FLNC: variants seen among roughly 807,000 people sequenced by gnomAD.
FLNC encodes the protein filamin-C.
In FLNC, 91 loss-of-function variants were observed where a neutral mutation model predicts 254.3. That is an observed-to-expected ratio of 0.36 (90% confidence interval 0.30 to 0.43). The LOEUF (loss-of-function observed/expected upper bound fraction) is 0.43. Ranked by LOEUF, FLNC falls within the 20% of genes least tolerant of loss-of-function variation. The pLI, the probability that FLNC is intolerant of heterozygous loss-of-function variation, is 1.00. For synonymous variants in FLNC, 1,430 were observed against 1,577.2 expected (o/e 0.91, Z 2.21); for missense variants, 2,853 against 3,802.6 (o/e 0.75, Z 6.57).
At chr7:128,831,298 C>T (rs1807882282) in intron 1 of FLNC, among the ~76,000 whole-genome samples, 1 of 152,220 alleles carries the variant, frequency 6.6e-6, no homozygotes, top group Non-Finnish European at 1.5e-5. Flanking sequence ...TCACCGTTCC[C>T]TTTCCTTCCA....
At position 128,842,990 on chromosome 7, in the gene FLNC, C is replaced by T. The variant is rs774532762; in HGVS notation, c.2550+36C>T. 6.2e-7 allele frequency: 1 copy of T among 1,610,720 alleles called. No homozygotes were observed. The highest frequency in any genetic ancestry group is 1.7e-5 in the Admixed American group (1 of 59,944). On this transcript the variant is annotated intron_variant, in intron 16 of 47. Transcript: ENST00000325888. This position sits in a 1 kb window ranked among gnomAD's most constrained non-coding sequence, Gnocchi z 5.4. The stretch of plus-strand genomic sequence containing the variant: ...TCCTGGGTACTCACAGCGACATGCA[C>T]CTGCCAGCTCCAGAAGGCAGCTGGA...
At position 128,836,162 on chromosome 7, in the gene FLNC, G is replaced by A. The variant is rs1808087012; in HGVS notation, c.601+588G>A. Among the ~76,000 whole-genome samples, 1 of 152,032 alleles carries A rather than the reference G, an allele frequency of 6.6e-6. No homozygotes were observed. The highest frequency in any genetic ancestry group is 1.5e-5 in the Non-Finnish European group (1 of 67,976). On this transcript the variant is annotated intron_variant, in intron 2 of 47. Transcript: ENST00000325888. This position sits in a 1 kb window ranked among gnomAD's most constrained non-coding sequence, Gnocchi z 6.0. ...GTGTAGGTCCTGGCCTGGTCAAGTG[G>A]GGACAGCTCAGGGGCCATGAAAAAA...
chr7:128,858,595 AC>A lies in FLNC; in HGVS notation c.*73del. Reference sequence around the variant, plus strand: ...ACACATTACACACACACACACACACACACAAATGTGCCACACCCAGACACGC... The same window carrying A: ...ACACATTACACACACACACACACACAACAAATGTGCCACACCCAGACACGC... On this transcript the variant is annotated 3_prime_UTR_variant, in exon 48 of 48. Transcript: ENST00000325888. This position sits in a 1 kb window ranked among gnomAD's most constrained non-coding sequence, Gnocchi z 6.7. 1.8e-6 allele frequency: 2 copies of A among 1,094,502 alleles called. No homozygotes were observed. The highest frequency in any genetic ancestry group is 2.8e-6 in the Non-Finnish European group (2 of 718,160). 67.8% of individuals were successfully genotyped at this position (1,094,502 alleles called of 1,614,324 possible). A position where few individuals can be genotyped will look rare whatever the true frequency, so the allele number is the denominator to read the frequency against.
At position 128,841,499 on chromosome 7, in the gene FLNC, G is replaced by C; in HGVS notation, c.2053G>C (p.Asp685His). The change falls in exon 13 of 48, where the codon GAC becomes CAC. Residue 685 changes from aspartate (D) to histidine (H), a missense_variant. By Grantham distance (81) the Asp-to-His change is moderately conservative. Around this residue, in one of 10 missense-constraint regions of FLNC, gnomAD observed 1,573 missense variants for 1,883.5 expected, o/e 0.84. Transcript: ENST00000325888. This position sits in a 1 kb window ranked among gnomAD's most constrained non-coding sequence, Gnocchi z 4.3. ...PGLEPTGCIV[D>H]KPAEFTIDAR... ...CCTGGAGCCTACCGGCTGCATCGTG[G>C]ACAAGCCCGCTGAGTTCACCATTGA... is the stretch of plus-strand genomic sequence containing the variant. The C allele has an allele frequency of 6.2e-7, 1 of 1,614,156 alleles. No homozygotes were observed. The highest frequency in any genetic ancestry group is 8.5e-7 in the Non-Finnish European group (1 of 1,180,026).
Position 128,846,405 on chromosome 7 carries a change from G to A in FLNC, c.4069G>A (p.Gly1357Arg), listed in dbSNP as rs1218299104. ...GCDPTRVRAF[G>R]PGLEGGLVNK... is the part of the protein sequence containing the mutation. ...TGATCCCACCCGCGTCCGAGCCTTCGGGCCAGGCCTGGAGGGTGGCTTGGT... is the reference window on the plus strand; with the variant it reads ...TGATCCCACCCGCGTCCGAGCCTTCAGGCCAGGCCTGGAGGGTGGCTTGGT... The change falls in exon 23 of 48, where the codon GGG becomes AGG. Residue 1357 changes from glycine to arginine, a missense_variant. Gly to Arg is a moderately radical substitution (Grantham distance 125). This residue lies in a region of FLNC where 1,573 missense variants were observed against 1,883.5 expected (regional missense o/e 0.84). Transcript: ENST00000325888. 1.2e-5 allele frequency: 20 copies of A among 1,609,048 alleles called. No individual in the cohort carries two copies. Among genetic ancestry groups the A allele is most frequent in the Non-Finnish European group, 1.6e-5 (19 of 1,180,004 alleles).
chr7:128,848,838 G>A lies in FLNC; in HGVS notation c.4783G>A (p.Asp1595Asn), dbSNP rs780133859. The change falls in exon 28 of 48, where the codon GAT becomes AAT. Residue 1595 changes from aspartate to asparagine, a missense_variant. By Grantham distance (23) the Asp-to-Asn change is conservative (BLOSUM62 1). This residue lies in a region of FLNC where 1,573 missense variants were observed against 1,883.5 expected (regional missense o/e 0.84). Transcript: ENST00000325888. ...PKKANIRDNG[D>N]GTYTVSYLPD... ...GAAGGCCAACATCCGGGACAATGGG[G>A]ATGGCACGTACACTGTGTCCTACCT... 4 of 1,614,160 alleles carry A rather than the reference G, an allele frequency of 2.5e-6. No homozygotes were observed. Among genetic ancestry groups the A allele is most frequent in the Non-Finnish European group, 3.4e-6 (4 of 1,180,034 alleles).
chr7:128,858,311 C>G lies in FLNC; in HGVS notation c.7991-25C>G, dbSNP rs1342962258. The stretch of plus-strand genomic sequence containing the variant: ...ACAGTAGGGGACTCCCTGGTGTGAG[C>G]CTGTCCCTCTGCCTCCCTCTCCAGG... On this transcript the variant is annotated intron_variant, in intron 47 of 47. Transcript: ENST00000325888. The surrounding 1 kb of genome is among the most constrained non-coding windows in gnomAD (Gnocchi z 6.7). The G allele has an allele frequency of 7.2e-7, 1 of 1,393,884 alleles. No homozygotes were observed. 86.3% of individuals were successfully genotyped at this position (1,393,884 alleles called of 1,614,324 possible). A position where few individuals can be genotyped will look rare whatever the true frequency, so the allele number is the denominator to read the frequency against.
chr7:128,835,201 G>A lies in FLNC; in HGVS notation c.353-125G>A. The stretch of plus-strand genomic sequence containing the variant: ...GGCCTCGCAGGAGGGAGAGGGTCAG[G>A]TAGGCAGAGACTAGAGGCCTGACCC... On this transcript the variant is annotated intron_variant, in intron 1 of 47. Coordinates refer to ENST00000325888, the MANE Select transcript of FLNC (RefSeq NM_001458.5). The surrounding 1 kb of genome is among the most constrained non-coding windows in gnomAD (Gnocchi z 5.3). The A allele has an allele frequency of 4.6e-6, 6 of 1,298,740 alleles. No homozygotes were observed. The highest frequency in any genetic ancestry group is 1.2e-5 in the South Asian group (1 of 82,550). 80.5% of individuals were successfully genotyped at this position (1,298,740 alleles called of 1,614,324 possible). A position where few individuals can be genotyped will look rare whatever the true frequency, so the allele number is the denominator to read the frequency against.
In FLNC at chr7:128,830,947, C is replaced by G. The variant is rs775222077; in HGVS notation, c.310C>G (p.Leu104Val). 2 of 1,611,236 alleles carry G rather than the reference C, an allele frequency of 1.2e-6. No homozygotes were observed. ...QMKLENVSVA[L>V]EFLEREHIKL... is the part of the protein sequence containing the mutation. Reference sequence around the variant, plus strand: ...GAAGCTGGAGAACGTGTCCGTGGCCCTCGAGTTCCTCGAGCGCGAGCACAT... The same window carrying G: ...GAAGCTGGAGAACGTGTCCGTGGCCGTCGAGTTCCTCGAGCGCGAGCACAT... Residue 104 changes from leucine to valine, a missense_variant, in exon 1 of 48, where the codon CTC becomes GTC. This residue lies in a region of FLNC where 115 missense variants were observed against 230.3 expected (regional missense o/e 0.50). Transcript: ENST00000325888.
Position 128,854,818 on chromosome 7 carries a change from G to A in FLNC, c.7041G>A (p.Leu2347=), listed in dbSNP as rs772789448. The A allele has an allele frequency of 8.7e-6, 14 of 1,614,170 alleles. No individual in the cohort carries two copies. The Admixed American group carries it at 2.3e-4, about 27-fold the overall frequency. ...CCCGGGAGGCTGGCGCTGGGGGCCT[G>A]TCCATTGCTGTGGAGGGTCCTAGCA... ...IWTREAGAGG[L]SIAVEGPSKA... is the part of the protein sequence containing the mutation. Residue 2347 remains leucine (L), a synonymous_variant, in exon 42 of 48, where the codon CTG becomes CTA. Coordinates refer to ENST00000325888, the MANE Select transcript of FLNC (RefSeq NM_001458.5).
At chr7:128,845,502 A>G (rs1585160759) in intron 21 of FLNC, among the ~76,000 whole-genome samples, 1 of 152,094 alleles carries the variant, frequency 6.6e-6, no homozygotes, top group Non-Finnish European at 1.5e-5. Flanking sequence ...GTTTTTCTGG[A>G]GAGATCTCTT....
rs760088248 is a variant in FLNC, at chr7:128,858,295, G to A, written c.7991-41G>A. On this transcript the variant is annotated intron_variant, in intron 47 of 47. Coordinates refer to ENST00000325888, the MANE Select transcript of FLNC (RefSeq NM_001458.5). The surrounding 1 kb of genome is among the most constrained non-coding windows in gnomAD (Gnocchi z 6.7). ...GAGCAGGGTGTGGGTCACAGTAGGG[G>A]ACTCCCTGGTGTGAGCCTGTCCCTC... 3.1e-6 allele frequency: 4 copies of A among 1,286,278 alleles called. No individual in the cohort carries two copies. The Admixed American group carries it at 5.5e-5, about 18-fold the overall frequency. 79.7% of individuals were successfully genotyped at this position (1,286,278 alleles called of 1,614,324 possible).
rs374711133 is a variant in FLNC at position 128,854,899 on chromosome 7, C to G, written c.7122C>G (p.Val2374=). The change falls in exon 42 of 48, where the codon GTC becomes GTG. Residue 2374 remains valine, a synonymous_variant. Coordinates refer to ENST00000325888, the MANE Select transcript of FLNC (RefSeq NM_001458.5). ...RKDGSCGVSY[V]VQEPGDYEVS... is the part of the protein sequence containing the mutation. The stretch of plus-strand genomic sequence containing the variant: ...ATGGCTCCTGCGGCGTCTCCTATGT[C>G]GTCCAGGAACCAGGTGGGCGTCCAC... The G allele has an allele frequency of 9.3e-6, 15 of 1,613,954 alleles. No homozygotes were observed. Among genetic ancestry groups the G allele is most frequent in the Non-Finnish European group, 1.2e-5 (14 of 1,180,030 alleles).
Position 128,850,460 on chromosome 7 carries a change from C to T in FLNC, c.5375C>T (p.Ala1792Val), listed in dbSNP as rs200233856. 69 of 1,613,390 alleles carry T rather than the reference C, an allele frequency of 4.3e-5. No homozygotes were observed. The highest frequency in any genetic ancestry group is 4.1e-4 in the South Asian group (37 of 91,046). ...CCCTTCAACCTGGTCATCCCCTTCG[C>T]GGTGCAGAAAGGGGAGCTCACAGGT... ...LRPFNLVIPFAVQKGELTGEV... is the reference protein window; with the variant it reads ...LRPFNLVIPFVVQKGELTGEV... Residue 1792 changes from alanine to valine, a missense_variant, in exon 32 of 48, where the codon GCG (alanine) becomes GTG (valine). Around this residue, in one of 10 missense-constraint regions of FLNC, gnomAD observed 258 missense variants for 312.3 expected, o/e 0.83. Transcript: ENST00000325888.
rs989839298 is a variant in FLNC, at chr7:128,859,024, C to G, written c.*501C>G. The G allele has an allele frequency of 1.1e-5, 2 of 177,542 alleles. No homozygotes were observed. Among genetic ancestry groups the G allele is most frequent in the Admixed American group, 5.4e-5 (1 of 18,450 alleles). The allele number at this position is 177,542 out of a possible 1,614,324, so 11.0% of individuals were successfully genotyped here. ...CACAATCAGAGAAGAAAACAGCCCC[C>G]GAACCAGCAGGAGTGGCCTGGCACA... On this transcript the variant is annotated 3_prime_UTR_variant, in exon 48 of 48. Transcript: ENST00000325888.
chr7:128,858,734 T>C lies in FLNC; in HGVS notation c.*211T>C. 1.7e-6 allele frequency: 1 copy of C among 588,282 alleles called. No individual in the cohort carries two copies. The highest frequency in any genetic ancestry group is 2.8e-5 in the East Asian group (1 of 35,238). 36.4% of individuals were successfully genotyped at this position (588,282 alleles called of 1,614,324 possible). On this transcript the variant is annotated 3_prime_UTR_variant, in exon 48 of 48. Transcript: ENST00000325888. The surrounding 1 kb of genome is among the most constrained non-coding windows in gnomAD (Gnocchi z 6.7). The stretch of plus-strand genomic sequence containing the variant: ...CTTGTCTGTGTCAGGACAGTGTCCC[T>C]CCCTGGGAATGTGACATGAGGGCCG...
At chr7:128,838,491 T>C in intron 7 of FLNC, 62 bp downstream of exon 7, 1 of 537,436 alleles carries the variant, frequency 1.9e-6, no homozygotes, top group Non-Finnish European at 3.0e-6. Context: ...TGTGTGGGGG[T>C]GGGGGGAGGC....
chr7:128,850,123 C>T, intron 31 of FLNC, 49 bp downstream of exon 31: 1 of 1,387,784 alleles, frequency 7.2e-7, no homozygotes, highest in Non-Finnish European at 9.9e-7. Flanking sequence ...CCCCTTCCTT[C>T]ATTTCTTCTC....
rs756074974 is a variant in FLNC at position 128,848,980 on chromosome 7, C to T, written c.4925C>T (p.Thr1642Ile). Reference protein sequence around the residue: ...PTGDASKCLVTVSIGGHGLGA... With the variant: ...PTGDASKCLVIVSIGGHGLGA... ...GGGGATGCCAGCAAGTGCCTCGTCA[C>T]AGGTGGGTGCCCACCCGCTGCCCGT... The change falls in exon 28 of 48, where the codon ACA (threonine) becomes ATA (isoleucine). Residue 1642 changes from threonine (T) to isoleucine (I), a missense_variant and splice_region_variant. By Grantham distance (89) the Thr-to-Ile change is moderately conservative (BLOSUM62 -1). Around this residue, in one of 10 missense-constraint regions of FLNC, gnomAD observed 258 missense variants for 312.3 expected, o/e 0.83. Transcript: ENST00000325888. 1.9e-6 allele frequency: 3 copies of T among 1,611,150 alleles called. No individual in the cohort carries two copies. The highest frequency in any genetic ancestry group is 1.7e-6 in the Non-Finnish European group (2 of 1,178,700).
Sources: gnomAD v4.1 joint callset for allele counts (sites outside exome capture counted in the v4.1 genomes callset) on GRCh38, gnomAD v4.1.1 for gene constraint, gnomAD v4.1.1 regional missense constraint, Gnocchi (gnomAD v3.1) non-coding constraint, MANE v1.5 for transcripts, NCBI Gene and HGNC (gene_info 2026-07-23, HGNC 2026-07-21) for gene names.